CDK12: variants seen among roughly 807,000 people sequenced by gnomAD.
The protein encoded by CDK12 is cyclin dependent kinase 12.
A neutral mutation model predicts 133.8 loss-of-function variants in CDK12; 17 were observed. The ratio of observed to expected loss-of-function variants is 0.13; its 90% CI spans 0.09 to 0.19. The LOEUF (loss-of-function observed/expected upper bound fraction) is 0.19, where lower values mean the gene tolerates loss of function less well. CDK12 is among the 10% of genes least tolerant of loss of function. The pLI is 1.00. For missense variants in CDK12, 1,508 were observed against 1,818.7 expected (o/e 0.83, Z 3.11); for synonymous variants, 694 against 683.6 (o/e 1.02, Z -0.24).
At chr17:39,467,957 G>A (rs2049474799) in intron 1 of CDK12, among the ~76,000 whole-genome samples, 1 of 151,118 alleles carries the variant, frequency 6.6e-6, no homozygotes, top group African/African-American at 2.4e-5. Flanking sequence ...GCAGTGGCGT[G>A]ATCTTGGCTT....
At chr17:39,548,540 T>C (rs1157884985), upstream of CDK12, among the ~76,000 whole-genome samples, 1 of 152,190 alleles carries the variant, frequency 6.6e-6, no homozygotes, top group African/African-American at 2.4e-5. Flanking sequence ...TGAGAAAGTG[T>C]TAGGGGTGAC....
intron 2 of CDK12, among the ~76,000 whole-genome samples, chr17:39,490,010 G>A (rs2051457685): frequency 6.6e-6 from 1 of 151,492 alleles, no homozygotes; most frequent in Non-Finnish European, 1.5e-5. Context: ...TTGATAAAGG[G>A]AACTGCAAGT....
intron 2 of CDK12, among the ~76,000 whole-genome samples, chr17:39,480,626 T>C (rs951812262): frequency 6.6e-6 from 1 of 151,980 alleles, no homozygotes; most frequent in Admixed American, 6.6e-5. Flanking sequence ...TTTCACCACG[T>C]TGGCCAGGCT....
intron 13 of CDK12, chr17:39,530,354 T>C: frequency 2.3e-6 from 1 of 438,020 alleles, no homozygotes. Flanking sequence ...GAGGAAATCT[T>C]AGACCAAAAT....
intron 11 of CDK12, among the ~76,000 whole-genome samples, chr17:39,523,336 G>A (rs767880031): frequency 2.0e-5 from 3 of 152,102 alleles, no homozygotes; most frequent in Non-Finnish European, 2.9e-5. Context: ...TTAGCCAGGC[G>A]TAGTGGCGTG....
At chr17:39,493,551 C>T (rs1490004575) in intron 4 of CDK12, among the ~76,000 whole-genome samples, 1 of 151,928 alleles carries the variant, frequency 6.6e-6, no homozygotes, top group African/African-American at 2.4e-5. Flanking sequence ...GTCTTGAACT[C>T]CTAACCTGAA....
At chr17:39,483,628 T>G (rs1336722519) in intron 2 of CDK12, among the ~76,000 whole-genome samples, 1 of 152,030 alleles carries the variant, frequency 6.6e-6, no homozygotes, top group Non-Finnish European at 1.5e-5. Flanking sequence ...TTAAAGTAGT[T>G]TACGCTGTTA....
chr17:39,484,847 A>G (rs565019783), intron 2 of CDK12, among the ~76,000 whole-genome samples: 1 of 152,248 alleles, frequency 6.6e-6, no homozygotes, highest in Non-Finnish European at 1.5e-5. Flanking sequence ...GTATAATGCA[A>G]ATAATCCAAA....
At chr17:39,497,116 A>C (rs920568597) in intron 5 of CDK12, among the ~76,000 whole-genome samples, 1 of 151,944 alleles carries the variant, frequency 6.6e-6, no homozygotes, top group South Asian at 2.1e-4. Context: ...TATCTTTATC[A>C]GAGACAGGGT....
chr17:39,499,339 G>C (rs573309975), intron 5 of CDK12, among the ~76,000 whole-genome samples: 18 of 149,336 alleles, frequency 1.2e-4, no homozygotes, highest in African/African-American at 4.2e-4. Context: ...TCCCTGAGTA[G>C]CTGGAATTAC....
At chr17:39,535,653 C>A (rs1458457792), downstream of CDK12, among the ~76,000 whole-genome samples, 1 of 152,170 alleles carries the variant, frequency 6.6e-6, no homozygotes, top group Non-Finnish European at 1.5e-5. Flanking sequence ...TACCCAAGGC[C>A]ATTTCTAACC....
At chr17:39,499,937 A>C (rs991637964) in intron 5 of CDK12, among the ~76,000 whole-genome samples, 1 of 152,232 alleles carries the variant, frequency 6.6e-6, no homozygotes, top group East Asian at 1.9e-4. Context: ...ACAAATGGGC[A>C]TGGTTGTGTT....
chr17:39,562,360 C>T (rs562214631), intron 3 of CDK12, among the ~76,000 whole-genome samples: 8 of 152,314 alleles, frequency 5.3e-5, no homozygotes, highest in African/African-American at 1.9e-4. Flanking sequence ...TTTACTAGCT[C>T]TTTCACCTCT....
chr17:39,479,188 G>T (rs905043817), intron 2 of CDK12, among the ~76,000 whole-genome samples: 2 of 151,412 alleles, frequency 1.3e-5, no homozygotes, highest in Non-Finnish European at 2.9e-5. Context: ...GGCCCCTGTA[G>T]TCCCAGCAGC....
At position 39,494,688 on chromosome 17, in the gene CDK12, G is replaced by A; in HGVS notation, c.2413G>A (p.Asp805Asn). Residue 805 changes from aspartate (D) to asparagine (N), a missense_variant, in exon 5 of 14, where the codon GAC becomes AAC. Transcript: ENST00000447079. Reference protein sequence around the residue: ...DKQDALDFKKDKGAFYLVFEY... With the variant: ...DKQDALDFKKNKGAFYLVFEY... ...ACAAGATGCACTGGATTTCAAGAAG[G>A]ACAAAGGTACTAGCAAAGAATCACA... 6.4e-7 allele frequency: 1 copy of A among 1,565,644 alleles called. No individual in the cohort carries two copies. The highest frequency in any genetic ancestry group is 8.7e-7 in the Non-Finnish European group (1 of 1,154,690).
Position 39,533,266 on chromosome 17 carries a change from C to G in CDK12, c.*1950C>G, listed in dbSNP as rs777550892. ...AAAGAGAGCCTTCTAGCTATTTTGG[C>G]ATTGATGGCTTTTTATACCAGTGTG... On this transcript the variant is annotated 3_prime_UTR_variant, in exon 14 of 14. Coordinates refer to ENST00000447079, the MANE Select transcript of CDK12 (RefSeq NM_016507.4). 8.6e-6 allele frequency: 2 copies of G among 232,896 alleles called. No homozygotes were observed. The highest frequency in any genetic ancestry group is 1.7e-5 in the Non-Finnish European group (2 of 117,846). The allele number at this position is 232,896 out of a possible 1,614,324, so 14.4% of individuals were successfully genotyped here.
At chr17:39,503,424 T>C (rs1019971023) in intron 6 of CDK12, among the ~76,000 whole-genome samples, 1 of 152,150 alleles carries the variant, frequency 6.6e-6, no homozygotes, top group Non-Finnish European at 1.5e-5. Context: ...CCCAGTAAAG[T>C]TGGAAGTGGG....
At chr17:39,514,604 G>A (rs1402684582) in intron 8 of CDK12, among the ~76,000 whole-genome samples, 1 of 152,090 alleles carries the variant, frequency 6.6e-6, no homozygotes, top group East Asian at 1.9e-4. Context: ...GCCTCCCAAA[G>A]TGCTGGGATC....
intron 2 of CDK12, among the ~76,000 whole-genome samples, chr17:39,480,975 C>T (rs527917861): frequency 3.1e-4 from 47 of 151,962 alleles, no homozygotes; most frequent in African/African-American, 8.2e-4. Flanking sequence ...GTTAACCAGC[C>T]GGGAGTGGTG....
Sources: allele counts gnomAD v4.1 joint callset (sites outside exome capture counted in the v4.1 genomes callset), GRCh38; gene constraint gnomAD v4.1.1; transcripts MANE v1.5; gene names NCBI Gene and HGNC (gene_info 2026-07-23, HGNC 2026-07-21).